PCNX2: variants seen among roughly 807,000 people sequenced by gnomAD.
PCNX2 encodes pecanex 2, also known as pecanex-like protein 2.
A neutral mutation model predicts 223.8 loss-of-function variants in PCNX2; 168 were observed. The observed-to-expected ratio is 0.75, with a 90% CI of 0.66 to 0.85. PCNX2 has a LOEUF of 0.85. Among genes scored for constraint, PCNX2 ranks in the 40% least tolerant of loss-of-function variants. PCNX2 has a pLI of 0.00. For missense variants in PCNX2, 2,507 were observed against 2,675.5 expected (o/e 0.94, Z 1.39); for synonymous variants, 1,006 against 1,052.6 (o/e 0.96, Z 0.86).
At chr1:233,161,867 C>T (rs1168735726) in intron 17 of PCNX2, among the ~76,000 whole-genome samples, 1 of 151,662 alleles carries the variant, frequency 6.6e-6, no homozygotes, top group Non-Finnish European at 1.5e-5. Flanking sequence ...ACCTCTTATA[C>T]GTTTCTTATT....
At chr1:233,233,771 C>A (rs987300965) in intron 9 of PCNX2, among the ~76,000 whole-genome samples, 1 of 151,840 alleles carries the variant, frequency 6.6e-6, no homozygotes, top group Non-Finnish European at 1.5e-5. Flanking sequence ...GTCTTCCGAG[C>A]CTTATCTCCT....
At chr1:233,264,160 C>T (rs193012152) in intron 1 of PCNX2, among the ~76,000 whole-genome samples, 1 of 152,312 alleles carries the variant, frequency 6.6e-6, no homozygotes, top group African/African-American at 2.4e-5. Flanking sequence ...CACTCTGTAG[C>T]ATCTCCCATA....
rs61543110 is a variant in PCNX2, at chr1:232,999,452, CTTTTTTTT to C, written c.5329-81_5329-74del. 18 of 1,170,700 alleles carry C rather than the reference CTTTTTTTT, an allele frequency of 1.5e-5. No individual in the cohort carries two copies. The East Asian group carries it at 3.1e-4, about 20-fold the overall frequency. 72.5% of individuals were successfully genotyped at this position (1,170,700 alleles called of 1,614,324 possible). ...TCCAGTCTATTGGTTTTTTCTTTTT[CTTTTTTTT>C]TTTTTTTTTTGAGATAGAGTTTCGC... On this transcript the variant is annotated intron_variant, in intron 30 of 33. Transcript: ENST00000258229.
intron 15 of PCNX2, among the ~76,000 whole-genome samples, chr1:233,193,249 A>T (rs540563569): frequency 6.6e-6 from 1 of 151,900 alleles, no homozygotes; most frequent in Admixed American, 6.6e-5. Flanking sequence ...AGGAGAGGAA[A>T]ATGATGAAAA....
intron 20 of PCNX2, among the ~76,000 whole-genome samples, chr1:233,136,659 C>T (rs1298316259): frequency 4.6e-5 from 7 of 152,170 alleles, no homozygotes; most frequent in Non-Finnish European, 1.0e-4. Flanking sequence ...AACATTGCTC[C>T]ATAACTGGCC....
chr1:233,022,605 G>C (rs985255829), intron 26 of PCNX2, among the ~76,000 whole-genome samples: 2 of 123,866 alleles, frequency 1.6e-5, no homozygotes, highest in African/African-American at 4.7e-5. Context: ...AGTGAGAGAT[G>C]GGGGGGGAGT....
intron 21 of PCNX2, among the ~76,000 whole-genome samples, chr1:233,113,307 A>T (rs1221033594): frequency 6.6e-6 from 1 of 152,214 alleles, no homozygotes; most frequent in African/African-American, 2.4e-5. Flanking sequence ...CAGCTGAACA[A>T]GATTCATAAG....
the PCNX2 span, among the ~76,000 whole-genome samples, chr1:233,309,976 AAATAAAT>A: frequency 6.6e-6 from 1 of 152,170 alleles, no homozygotes; most frequent in East Asian, 1.9e-4. Context: ...ATTACACATC[AAATAAAT>A]AATAAAGTTA....
chr1:233,321,163 T>G, the PCNX2 span, among the ~76,000 whole-genome samples: 13 of 151,438 alleles, frequency 8.6e-5, no homozygotes, highest in Middle Eastern at 6.9e-3. Flanking sequence ...GAACTATAGG[T>G]GAAATGTCTT....
intron 10 of PCNX2, among the ~76,000 whole-genome samples, chr1:233,226,853 G>T (rs543106673): frequency 6.6e-6 from 1 of 152,138 alleles, no homozygotes; most frequent in East Asian, 1.9e-4. Flanking sequence ...GCTACAGATG[G>T]GCCTCAAGCT....
chr1:233,196,145 T>C (rs1167456485), intron 15 of PCNX2, among the ~76,000 whole-genome samples: 2 of 152,074 alleles, frequency 1.3e-5, no homozygotes, highest in African/African-American at 2.4e-5. Context: ...AAGGTTAGTG[T>C]TTTCAACAAA....
intron 33 of PCNX2, chr1:232,985,652 G>C: frequency 2.6e-6 from 1 of 383,406 alleles, no homozygotes; most frequent in Non-Finnish European, 4.7e-6. Flanking sequence ...GGCCATCTCA[G>C]CAGCTTTAAA....
chr1:232,984,143 C>CAT lies in PCNX2; in HGVS notation c.*160_*161insAT. ...TTTTTTTTTTTTTTTTTTCAAAAAC[C>CAT]TGAGATCAGTTCTGTGTTCTGGAAC... On this transcript the variant is annotated 3_prime_UTR_variant, in exon 34 of 34. Transcript: ENST00000258229. The CAT allele has an allele frequency of 6.6e-6, 1 of 152,096 alleles. No homozygotes were observed. Among genetic ancestry groups the CAT allele is most frequent in the Non-Finnish European group, 1.2e-5 (1 of 80,778 alleles). 9.4% of individuals were successfully genotyped at this position (152,096 alleles called of 1,614,324 possible).
Position 233,016,937 on chromosome 1 carries a change from GCA to G in PCNX2, c.4821_4822del (p.Ala1608ThrfsTer13). The G allele has an allele frequency of 1.9e-6, 3 of 1,604,894 alleles. No homozygotes were observed. Among genetic ancestry groups the G allele is most frequent in the Admixed American group, 3.3e-5 (2 of 59,892 alleles). On this transcript the variant is annotated frameshift_variant, in exon 27 of 34. Coordinates refer to ENST00000258229, the MANE Select transcript of PCNX2 (RefSeq NM_014801.4). LOFTEE classifies it high-confidence loss of function. ...CTGACCTACCTCTTGTCTTTTCCGT[GCA>G]CAGTGTTGAATCCATTCTAGATAAA...
intron 25 of PCNX2, among the ~76,000 whole-genome samples, chr1:233,027,624 G>A (rs748757291): frequency 3.9e-5 from 6 of 152,078 alleles, no homozygotes; most frequent in Non-Finnish European, 5.9e-5. Context: ...TCTAGTACGA[G>A]GTGAAAACTT....
chr1:233,172,866 T>A (rs1679240211), intron 17 of PCNX2, among the ~76,000 whole-genome samples: 1 of 152,206 alleles, frequency 6.6e-6, no homozygotes, highest in Non-Finnish European at 1.5e-5. Context: ...AAGTCCCACG[T>A]GACTTTCCTC....
At chr1:233,235,707 T>C (rs1464894818) in intron 9 of PCNX2, among the ~76,000 whole-genome samples, 1 of 152,038 alleles carries the variant, frequency 6.6e-6, no homozygotes, top group Non-Finnish European at 1.5e-5. Flanking sequence ...GTTCAAGCAA[T>C]TCTCGTGCCT....
At chr1:233,178,466 G>A (rs968419825) in intron 16 of PCNX2, among the ~76,000 whole-genome samples, 5 of 152,092 alleles carry the variant, frequency 3.3e-5, no homozygotes, top group Non-Finnish European at 2.9e-5. Flanking sequence ...CAGAGTACAC[G>A]TTACCAAAAC....
At chr1:233,310,460 C>T in the PCNX2 span, among the ~76,000 whole-genome samples, 7 of 152,176 alleles carry the variant, frequency 4.6e-5, no homozygotes, top group Non-Finnish European at 1.0e-4. Flanking sequence ...AAACCACTGT[C>T]CCCTTCTTGA....
Sources: gnomAD v4.1 joint callset for allele counts (sites outside exome capture counted in the v4.1 genomes callset) on GRCh38, gnomAD v4.1.1 for gene constraint, MANE v1.5 for transcripts, NCBI Gene and HGNC (gene_info 2026-07-23, HGNC 2026-07-21) for gene names.